Variants in AKT2 observed in about 807,000 individuals in gnomAD.
The protein encoded by AKT2 is RAC-beta serine/threonine-protein kinase.
AKT2 carries 16 observed loss-of-function variants against 58.6 expected under a neutral mutation model. The ratio of observed to expected loss-of-function variants is 0.27; its 90% confidence interval spans 0.18 to 0.41. The LOEUF (loss-of-function observed/expected upper bound fraction) is 0.41. Ranked by LOEUF, AKT2 falls within the 10% of genes least tolerant of loss-of-function variation. AKT2 has a pLI of 1.00. For synonymous variants in AKT2, 253 were observed against 254.0 expected (o/e 1.00, Z 0.04); for missense variants, 438 against 661.0 (o/e 0.66, Z 3.70).
At chr19:40,257,378 G>T (rs1975612639) in intron 2 of AKT2, among the ~76,000 whole-genome samples, 1 of 152,214 alleles carries the variant, frequency 6.6e-6, no homozygotes, top group Non-Finnish European at 1.5e-5. Flanking sequence ...AGTCCCAGGG[G>T]AGGCCCAGGC....
intron 1 of AKT2, among the ~76,000 whole-genome samples, chr19:40,280,493 C>T (rs1010887921): frequency 4.6e-5 from 7 of 152,124 alleles, no homozygotes; most frequent in Non-Finnish European, 8.8e-5. Context: ...AGCCTGTGAC[C>T]GGCTCCTGGG....
In AKT2 at chr19:40,285,221, C is replaced by T. The variant is rs1400951914; in HGVS notation, c.-125G>A. On this transcript the variant is annotated 5_prime_UTR_variant, in exon 1 of 14. Transcript: ENST00000392038. ...GCCCAGCCTCTCCGGCGGGGCTCTA[C>T]CCCCGCCCATCGCCACGCTGCGCTG... 7.6e-6 allele frequency: 3 copies of T among 395,068 alleles called. No individual in the cohort carries two copies. The highest frequency in any genetic ancestry group is 3.6e-5 in the East Asian group (1 of 27,878). The allele number at this position is 395,068 out of a possible 1,614,324, so 24.5% of individuals were successfully genotyped here.
chr19:40,258,056 G>C lies in AKT2; in HGVS notation c.47-1002C>G, dbSNP rs576686764. 1.5e-3 allele frequency among the ~76,000 whole-genome samples: 233 copies of C among 151,924 alleles called. 2 individuals are homozygous for C. Among genetic ancestry groups the C allele is most frequent in the Non-Finnish European group, 2.9e-3 (200 of 67,964 alleles). Reference sequence around the variant, plus strand: ...GAGGTCGGGAGTTGGAGACCAGCCTGACCAACATGGAGAAACCCCATCTCT... The same window carrying C: ...GAGGTCGGGAGTTGGAGACCAGCCTCACCAACATGGAGAAACCCCATCTCT... On this transcript the variant is annotated intron_variant, in intron 2 of 13. Transcript: ENST00000392038.
chr19:40,272,934 T>TA, intron 1 of AKT2, among the ~76,000 whole-genome samples: 1 of 152,292 alleles, frequency 6.6e-6, no homozygotes, highest in South Asian at 2.1e-4. Flanking sequence ...ATCTGTATAT[T>TA]AGAGATAATA....
rs1055969506 is a variant in AKT2 at position 40,285,294 on chromosome 19, G to A, written c.-198C>T. On this transcript the variant is annotated 5_prime_UTR_variant, in exon 1 of 14. Coordinates refer to ENST00000392038, the MANE Select transcript of AKT2 (RefSeq NM_001626.6). Reference sequence around the variant, plus strand: ...GGCAGCGGCAACGGCGCCGGCAGCGGCAGCGGCGGCGGCGACGCCTCCTCC... The same window carrying A: ...GGCAGCGGCAACGGCGCCGGCAGCGACAGCGGCGGCGGCGACGCCTCCTCC... 3 of 395,136 alleles carry A rather than the reference G, an allele frequency of 7.6e-6. No individual in the cohort carries two copies. Among genetic ancestry groups the A allele is most frequent in the Non-Finnish European group, 1.3e-5 (3 of 223,892 alleles). The allele number at this position is 395,136 out of a possible 1,614,324, so 24.5% of individuals were successfully genotyped here.
chr19:40,246,505 C>T (rs369752911), intron 4 of AKT2, among the ~76,000 whole-genome samples: 54 of 150,792 alleles, frequency 3.6e-4, no homozygotes, highest in African/African-American at 1.2e-3. Flanking sequence ...TAAATGATGG[C>T]GGATTGGGAA....
intron 2 of AKT2, among the ~76,000 whole-genome samples, chr19:40,262,475 G>C (rs1018421077): frequency 2.2e-4 from 34 of 152,226 alleles, no homozygotes; most frequent in Admixed American, 2.2e-3. Context: ...CAGAGGGCAG[G>C]TGCTCTGCTA....
rs1973726616 is a variant in AKT2, at chr19:40,232,000, C to T, written c.*1872G>A. On this transcript the variant is annotated 3_prime_UTR_variant, in exon 14 of 14. Transcript: ENST00000392038. The stretch of plus-strand genomic sequence containing the variant: ...CTCATTCAGTGACAGCACAGGCACC[C>T]TCCTCATTCTGGGCTACCCAGATCT... 2 of 233,504 alleles carry T rather than the reference C, an allele frequency of 8.6e-6. No individual in the cohort carries two copies. The highest frequency in any genetic ancestry group is 1.1e-4 in the Admixed American group (2 of 17,778). The allele number at this position is 233,504 out of a possible 1,614,324, so 14.5% of individuals were successfully genotyped here.
chr19:40,285,041 C>T (rs919118306), intron 1 of AKT2, 140 bp downstream of exon 1: 1 of 384,388 alleles, frequency 2.6e-6, no homozygotes, highest in East Asian at 3.7e-5. Flanking sequence ...CGGCCACCCC[C>T]ACTCAGCTCC....
chr19:40,261,904 CGTTTTTT>C (rs1014154275), intron 2 of AKT2, among the ~76,000 whole-genome samples: 1 of 149,602 alleles, frequency 6.7e-6, no homozygotes, highest in African/African-American at 2.5e-5. Flanking sequence ...ATTTCATCCC[CGTTTTTT>C]TTTTTTTAAA....
intron 4 of AKT2, 123 bp downstream of exon 4, chr19:40,255,035 A>G (rs1568547344): frequency 3.9e-6 from 3 of 763,556 alleles, no homozygotes; most frequent in East Asian, 2.7e-5. Flanking sequence ...AGACCCCCCA[A>G]CCAGAAGCGC....
chr19:40,242,363 C>T lies in AKT2; in HGVS notation c.441+171G>A. The T allele has an allele frequency of 9.1e-7, 1 of 1,096,606 alleles. No homozygotes were observed. The highest frequency in any genetic ancestry group is 1.4e-6 in the Non-Finnish European group (1 of 735,428). 67.9% of individuals were successfully genotyped at this position (1,096,606 alleles called of 1,614,324 possible). A position where few individuals can be genotyped will look rare whatever the true frequency, so the allele number is the denominator to read the frequency against. On this transcript the variant is annotated intron_variant, in intron 5 of 13. Coordinates refer to ENST00000392038, the MANE Select transcript of AKT2 (RefSeq NM_001626.6). The surrounding 1 kb of genome is among the most constrained non-coding windows in gnomAD (Gnocchi z 4.3). ...CCAAGGTTGCTCCCTCCCCTACGGG[C>T]ATGGAGCACACCCTAGGGCACCTGC...
intron 1 of AKT2, among the ~76,000 whole-genome samples, chr19:40,280,310 T>G (rs2077400809): frequency 6.6e-6 from 1 of 152,182 alleles, no homozygotes; most frequent in South Asian, 2.1e-4. Context: ...CCCCTCCTCT[T>G]TCCCTAAAAG....
chr19:40,262,335 A>C (rs531649646), intron 2 of AKT2, among the ~76,000 whole-genome samples: 12 of 152,228 alleles, frequency 7.9e-5, no homozygotes, highest in South Asian at 6.2e-4. Context: ...AGTCACAGAG[A>C]GGTCCTATTA....
chr19:40,271,213 A>G lies in AKT2; in HGVS notation c.-84-5862T>C, dbSNP rs577466029. Among the ~76,000 whole-genome samples the G allele has an allele frequency of 1.5e-3, 113 of 75,152 alleles. 1 individual carries two copies. The East Asian group carries it at 0.023, about 15-fold the overall frequency. The allele number at this position is 75,152 out of a possible 152,430, so 49.3% of individuals were successfully genotyped here. A position where few individuals can be genotyped will look rare whatever the true frequency, so the allele number is the denominator to read the frequency against. On this transcript the variant is annotated intron_variant, in intron 1 of 13. Transcript: ENST00000392038. ...AAAACATACGTACATACATACATAC[A>G]TATATATATATATACACACATATAT...
chr19:40,276,653 C>T (rs1357669039), intron 1 of AKT2, among the ~76,000 whole-genome samples: 2 of 151,862 alleles, frequency 1.3e-5, no homozygotes, highest in Non-Finnish European at 2.9e-5. Context: ...TGTGAACCAC[C>T]GTGCCCAGCC....
intron 2 of AKT2, among the ~76,000 whole-genome samples, chr19:40,263,571 C>T (rs987728172): frequency 2.0e-5 from 3 of 152,168 alleles, no homozygotes; most frequent in Non-Finnish European, 4.4e-5. Context: ...CAGGAAGCTC[C>T]ATCAACAAAC....
At position 40,233,867 on chromosome 19, in the gene AKT2, A is replaced by G. The variant is rs2145149434; in HGVS notation, c.*5T>C. The G allele has an allele frequency of 6.2e-7, 1 of 1,610,656 alleles. No homozygotes were observed. Among genetic ancestry groups the G allele is most frequent in the Non-Finnish European group, 8.5e-7 (1 of 1,179,782 alleles). On this transcript the variant is annotated 3_prime_UTR_variant, in exon 14 of 14. Coordinates refer to ENST00000392038, the MANE Select transcript of AKT2 (RefSeq NM_001626.6). This position sits in a 1 kb window ranked among gnomAD's most constrained non-coding sequence, Gnocchi z 4.3. Reference sequence around the variant, plus strand: ...GAGCGTGCGTCCTCTGCGTGGGCAGACTGCTCACTCGCGGATGCTGGCCGA... The same window carrying G: ...GAGCGTGCGTCCTCTGCGTGGGCAGGCTGCTCACTCGCGGATGCTGGCCGA...
rs759576525 is a variant in AKT2, at chr19:40,255,145, G to A, written c.287+13C>T. 6.2e-7 allele frequency: 1 copy of A among 1,600,950 alleles called. No individual in the cohort carries two copies. Among genetic ancestry groups the A allele is most frequent in the Non-Finnish European group, 8.6e-7 (1 of 1,168,100 alleles). ...TCCCTCTCAAGGGCAGCCACACAGA[G>A]GCCCAGACTGACCTCTCGTCTGGAG... On this transcript the variant is annotated intron_variant, in intron 4 of 13. Transcript: ENST00000392038.
Sources: allele counts gnomAD v4.1 joint callset (sites outside exome capture counted in the v4.1 genomes callset), GRCh38; gene constraint gnomAD v4.1.1; non-coding constraint Gnocchi (gnomAD v3.1); transcripts MANE v1.5; gene names NCBI Gene and HGNC (gene_info 2026-07-23, HGNC 2026-07-21).